PARD3B: variants seen among roughly 807,000 people sequenced by gnomAD.
PARD3B encodes partitioning defective 3 homolog B.
Under a neutral mutation model 130.2 loss-of-function variants are expected in PARD3B, and 103 were observed. The observed-to-expected ratio is 0.79, with a 90% confidence interval of 0.67 to 0.93. The LOEUF (loss-of-function observed/expected upper bound fraction) is 0.93, where lower values mean the gene tolerates loss of function less well. Among genes scored for constraint, PARD3B ranks in the 40% least tolerant of loss-of-function variants. The pLI, the probability that PARD3B is intolerant of heterozygous loss-of-function variation, is 0.00. For missense variants in PARD3B, 1,609 were observed against 1,499.2 expected (o/e 1.07, Z -1.21); for synonymous variants, 583 against 553.2 (o/e 1.05, Z -0.76).
intron 3 of PARD3B, among the ~76,000 whole-genome samples, chr2:204,986,414 G>A (rs940872118): frequency 2.6e-5 from 4 of 152,100 alleles, no homozygotes; most frequent in South Asian, 4.1e-4. Context: ...CTCAGCAATG[G>A]CAGTTACTGA....
chr2:204,980,530 A>C (rs1198945383), intron 3 of PARD3B, among the ~76,000 whole-genome samples: 1 of 152,170 alleles, frequency 6.6e-6, no homozygotes, highest in African/African-American at 2.4e-5. Context: ...ACAGTAGAGA[A>C]ACCTGGCAAG....
At chr2:205,484,455 G>T (rs764144676) in intron 20 of PARD3B, among the ~76,000 whole-genome samples, 2 of 152,276 alleles carry the variant, frequency 1.3e-5, no homozygotes, top group East Asian at 3.9e-4. Context: ...TGTGAAACTC[G>T]TGTCAATTAA....
intron 6 of PARD3B, among the ~76,000 whole-genome samples, chr2:205,117,799 G>A (rs186384446): frequency 1.3e-5 from 2 of 152,252 alleles, no homozygotes; most frequent in African/African-American, 4.8e-5. Flanking sequence ...GTCACATCAC[G>A]AGGAGAAGGG....
intron 11 of PARD3B, among the ~76,000 whole-genome samples, chr2:205,161,670 A>T (rs2034514807): frequency 6.6e-6 from 1 of 152,220 alleles, no homozygotes; most frequent in East Asian, 1.9e-4. Flanking sequence ...ATACACATGT[A>T]ACAGACTACA....
chr2:205,227,753 C>G (rs1462740062), intron 15 of PARD3B, among the ~76,000 whole-genome samples: 2 of 151,852 alleles, frequency 1.3e-5, no homozygotes, highest in Non-Finnish European at 2.9e-5. Flanking sequence ...TTGTGGTCTT[C>G]TCATCCTTCT....
At chr2:205,170,791 TCTTTTAC>T (rs1559506480) in intron 11 of PARD3B, among the ~76,000 whole-genome samples, 7 of 150,814 alleles carry the variant, frequency 4.6e-5, no homozygotes, top group South Asian at 2.1e-4. Context: ...CTTTTTTTTT[TCTTTTAC>T]TTTTTTTTTC....
intron 1 of PARD3B, among the ~76,000 whole-genome samples, chr2:204,617,447 T>A (rs913439540): frequency 1.3e-5 from 2 of 152,206 alleles, no homozygotes; most frequent in African/African-American, 4.8e-5. Flanking sequence ...ACTAGGTCTT[T>A]TTGGGGAGAT....
intron 1 of PARD3B, among the ~76,000 whole-genome samples, chr2:204,578,609 A>G (rs1161292306): frequency 6.6e-6 from 1 of 152,136 alleles, no homozygotes. Flanking sequence ...TATTATAATG[A>G]TGTAATATTT....
At chr2:205,084,319 C>T (rs962234255) in intron 4 of PARD3B, among the ~76,000 whole-genome samples, 19 of 152,016 alleles carry the variant, frequency 1.2e-4, no homozygotes, top group African/African-American at 3.6e-4. Context: ...TTTCTTCATT[C>T]CCTGAATTTT....
chr2:205,063,145 C>A (rs1700157560), intron 4 of PARD3B, among the ~76,000 whole-genome samples: 1 of 152,078 alleles, frequency 6.6e-6, no homozygotes, highest in African/African-American at 2.4e-5. Flanking sequence ...CCGTTTAAAG[C>A]TAAAATTTGG....
intron 1 of PARD3B, among the ~76,000 whole-genome samples, chr2:204,650,585 A>C (rs1012788579): frequency 3.9e-5 from 6 of 152,228 alleles, no homozygotes; most frequent in African/African-American, 1.4e-4. Flanking sequence ...AAATGAGATC[A>C]TGTTCTTTTT....
At chr2:205,439,165 G>A (rs1306027251) in intron 19 of PARD3B, among the ~76,000 whole-genome samples, 9 of 152,122 alleles carry the variant, frequency 5.9e-5, no homozygotes, top group Admixed American at 5.9e-4. Context: ...TTCGAATAGG[G>A]GAAGATACTG....
At chr2:205,364,864 CT>C (rs2105890740) in intron 18 of PARD3B, among the ~76,000 whole-genome samples, 1 of 152,266 alleles carries the variant, frequency 6.6e-6, no homozygotes, top group African/African-American at 2.4e-5. Context: ...GCTCACTCCA[CT>C]GGTAGTTTTT....
At chr2:204,866,224 C>G (rs553343423) in intron 2 of PARD3B, among the ~76,000 whole-genome samples, 3 of 152,280 alleles carry the variant, frequency 2.0e-5, no homozygotes, top group Middle Eastern at 3.4e-3. Context: ...TGCTAACAGA[C>G]AAATAGGTCC....
chr2:204,635,178 G>C (rs1381891836), intron 1 of PARD3B, among the ~76,000 whole-genome samples: 2 of 152,252 alleles, frequency 1.3e-5, no homozygotes, highest in Non-Finnish European at 2.9e-5. Context: ...AACAGTCTTT[G>C]ATGGCTTCTT....
rs565212532 is a variant in PARD3B at position 205,335,738 on chromosome 2, C to T, written c.2630+34037C>T. 3.0e-4 allele frequency among the ~76,000 whole-genome samples: 46 copies of T among 152,256 alleles called. No homozygotes were observed. In the South Asian group the frequency reaches 8.7e-3, roughly 29 times the overall value. On this transcript the variant is annotated intron_variant, in intron 18 of 22. Transcript: ENST00000406610. ...GCAAGGAGGAGCAAGTCACATCTTA[C>T]ATGGATGACAGGAGGCAAAAAGAGA...
intron 19 of PARD3B, among the ~76,000 whole-genome samples, chr2:205,431,102 G>A (rs577996330): frequency 1.3e-5 from 2 of 152,348 alleles, no homozygotes; most frequent in South Asian, 4.1e-4. Context: ...TTTAGAGACA[G>A]AGCCTTGCTC....
intron 22 of PARD3B, among the ~76,000 whole-genome samples, chr2:205,583,377 C>CTGTGTGTGTGTG (rs139162850): frequency 0.032 from 4,868 of 150,448 alleles, 83 homozygotes; most frequent in Non-Finnish European, 0.041. Flanking sequence ...CTCCTAAGCT[C>CTGTGTGTGTGTG]TGTGTGTGTG....
chr2:204,865,597 G>A (rs1196375628), intron 2 of PARD3B, among the ~76,000 whole-genome samples: 2 of 152,160 alleles, frequency 1.3e-5, no homozygotes, highest in Non-Finnish European at 2.9e-5. Flanking sequence ...GGACACAAAA[G>A]CCTAAGAATG....
Sources: allele counts gnomAD v4.1 joint callset (sites outside exome capture counted in the v4.1 genomes callset), GRCh38; gene constraint gnomAD v4.1.1; transcripts MANE v1.5; gene names NCBI Gene and HGNC (gene_info 2026-07-23, HGNC 2026-07-21).